The following HOPX variants were observed in gnomAD, a reference collection of about 807,000 sequenced individuals.
The protein encoded by HOPX is HOP homeobox.
In HOPX, 5 loss-of-function variants were observed where a neutral mutation model predicts 11.8. That is an observed-to-expected ratio of 0.43 (90% confidence interval 0.22 to 0.89). HOPX has a LOEUF of 0.89. Ranked by LOEUF, HOPX falls within the 40% of genes least tolerant of loss-of-function variation. HOPX has a pLI of 0.28. For missense variants in HOPX, 119 were observed against 120.0 expected (o/e 0.99, Z 0.04); for synonymous variants, 49 against 49.7 (o/e 0.99, Z 0.06).
intron 1 of HOPX, among the ~76,000 whole-genome samples, chr4:56,668,065 C>T (rs912043391): frequency 1.3e-5 from 2 of 152,094 alleles, no homozygotes; most frequent in African/African-American, 4.8e-5. Flanking sequence ...ACTGGGACTG[C>T]AGGCGCCCAC....
intron 1 of HOPX, among the ~76,000 whole-genome samples, chr4:56,672,407 C>T (rs539861117): frequency 6.6e-6 from 1 of 151,866 alleles, no homozygotes; most frequent in Non-Finnish European, 1.5e-5. Flanking sequence ...GGCATGGTGG[C>T]ACACGCCTGT....
intron 3 of HOPX, among the ~76,000 whole-genome samples, chr4:56,652,942 A>G (rs1220196671): frequency 6.6e-6 from 1 of 152,216 alleles, no homozygotes; most frequent in African/African-American, 2.4e-5. Context: ...GGTCCTCAAG[A>G]CCTGCTATAA....
chr4:56,662,118 AAG>A (rs1487485984), intron 1 of HOPX, among the ~76,000 whole-genome samples: 1 of 152,244 alleles, frequency 6.6e-6, no homozygotes, highest in Non-Finnish European at 1.5e-5. Flanking sequence ...GAAAGTATAA[AAG>A]AAAAATGAAA....
chr4:56,674,693 C>G (rs1718909526), intron 1 of HOPX, among the ~76,000 whole-genome samples: 1 of 151,524 alleles, frequency 6.6e-6, no homozygotes, highest in South Asian at 2.1e-4. Flanking sequence ...CTACCAGAAG[C>G]AAATTACAAG....
chr4:56,667,353 A>G (rs1337868333), intron 1 of HOPX, among the ~76,000 whole-genome samples: 2 of 152,190 alleles, frequency 1.3e-5, no homozygotes, highest in Non-Finnish European at 2.9e-5. Flanking sequence ...TGTTTGACAA[A>G]TCTAGCCTCT....
intron 1 of HOPX, chr4:56,679,589 T>A (rs1719214424): frequency 6.6e-6 from 1 of 152,134 alleles, no homozygotes. Flanking sequence ...GCAATTATCC[T>A]GTCTCAGCCT....
intron 1 of HOPX, among the ~76,000 whole-genome samples, chr4:56,670,341 G>A (rs1329709034): frequency 6.6e-6 from 1 of 152,018 alleles, no homozygotes; most frequent in African/African-American, 2.4e-5. Context: ...CAAGAAATGA[G>A]GCAAATAGAA....
Position 56,665,564 on chromosome 4 carries a change from CAT to C in HOPX, c.-83-7667_-83-7666del, listed in dbSNP as rs778423834. On this transcript the variant is annotated intron_variant, in intron 1 of 3. Coordinates refer to ENST00000420433, the MANE Select transcript of HOPX (RefSeq NM_032495.6). ...TATCATCCTCAGTGCCCCCAAACAA[CAT>C]AGAGTTGATTCCTATTGCTGAATCA... 11 of 152,196 alleles carry C rather than the reference CAT, an allele frequency of 7.2e-5. No homozygotes were observed. In the East Asian group the frequency reaches 2.1e-3, roughly 29 times the overall value. 9.4% of individuals were successfully genotyped at this position (152,196 alleles called of 1,614,324 possible). A position where few individuals can be genotyped will look rare whatever the true frequency, so the allele number is the denominator to read the frequency against.
chr4:56,674,149 T>C (rs1718882246), intron 1 of HOPX, among the ~76,000 whole-genome samples: 2 of 151,710 alleles, frequency 1.3e-5, no homozygotes, highest in South Asian at 4.1e-4. Flanking sequence ...TCCCTCCTGC[T>C]TCATAAATCC....
At chr4:56,650,806 C>T (rs1336753171) in intron 3 of HOPX, 19 of 1,546,798 alleles carry the variant, frequency 1.2e-5, no homozygotes, top group Non-Finnish European at 1.7e-5. Flanking sequence ...GAGATCAAAT[C>T]ACTACCCTTC....
At chr4:56,670,845 A>G (rs921537954) in intron 1 of HOPX, among the ~76,000 whole-genome samples, 1 of 152,174 alleles carries the variant, frequency 6.6e-6, no homozygotes, top group African/African-American at 2.4e-5. Context: ...AAAAATACAA[A>G]AATTAGCCAG....
Position 56,681,240 on chromosome 4 carries a change from T to G in HOPX, c.-84+15A>C. The G allele has an allele frequency of 1.0e-6, 1 of 985,284 alleles. No homozygotes were observed. Among genetic ancestry groups the G allele is most frequent in the Non-Finnish European group, 1.2e-6 (1 of 829,850 alleles). 61.0% of individuals were successfully genotyped at this position (985,284 alleles called of 1,614,324 possible). On this transcript the variant is annotated intron_variant, in intron 1 of 3. Coordinates refer to ENST00000420433, the MANE Select transcript of HOPX (RefSeq NM_032495.6). Reference sequence around the variant, plus strand: ...ATTCCTCTGCATAAAAGGCAGACCTTTGAAAGGTACTTACGTGGAAGAGGC... The same window carrying G: ...ATTCCTCTGCATAAAAGGCAGACCTGTGAAAGGTACTTACGTGGAAGAGGC...
At chr4:56,663,443 G>A (rs1481470428) in intron 1 of HOPX, 3 of 152,102 alleles carry the variant, frequency 2.0e-5, no homozygotes, top group Non-Finnish European at 2.9e-5. Context: ...TTAAAAATAC[G>A]AAGTGCTGCC....
chr4:56,660,534 A>G (rs1718054374), intron 1 of HOPX, among the ~76,000 whole-genome samples: 3 of 152,140 alleles, frequency 2.0e-5, no homozygotes, highest in Non-Finnish European at 4.4e-5. Context: ...AATTTTCTAT[A>G]ATAAGCATTT....
intron 3 of HOPX, chr4:56,650,613 C>T (rs147951111): frequency 2.7e-6 from 4 of 1,501,548 alleles, no homozygotes; most frequent in African/African-American, 2.8e-5. Flanking sequence ...AACACACCTA[C>T]ACCTCACCCA....
chr4:56,667,687 A>T (rs1305092786), intron 1 of HOPX, among the ~76,000 whole-genome samples: 1 of 152,174 alleles, frequency 6.6e-6, no homozygotes, highest in Non-Finnish European at 1.5e-5. Context: ...ATGCATTTTT[A>T]AGAGTGAAAA....
At chr4:56,656,333 C>A in intron 2 of HOPX, 1 of 1,063,208 alleles carries the variant, frequency 9.4e-7, no homozygotes. Flanking sequence ...ATTCCGCGGG[C>A]CCTCACCGAC....
At chr4:56,675,082 C>G (rs1409531614) in intron 1 of HOPX, among the ~76,000 whole-genome samples, 1 of 151,592 alleles carries the variant, frequency 6.6e-6, no homozygotes, top group African/African-American at 2.4e-5. Flanking sequence ...GAGGCTGAAG[C>G]ACCTGACCTT....
intron 1 of HOPX, among the ~76,000 whole-genome samples, chr4:56,674,146 T>C (rs756659680): frequency 3.3e-5 from 5 of 151,730 alleles, no homozygotes; most frequent in Non-Finnish European, 7.3e-5. Context: ...TCTTCCCTCC[T>C]GCTTCATAAA....
Sources: gnomAD v4.1 joint callset for allele counts (sites outside exome capture counted in the v4.1 genomes callset) on GRCh38, gnomAD v4.1.1 for gene constraint, MANE v1.5 for transcripts, NCBI Gene and HGNC (gene_info 2026-07-23, HGNC 2026-07-21) for gene names.